COG1: variants seen among roughly 807,000 people sequenced by gnomAD.
The protein encoded by COG1 is component of oligomeric golgi complex 1, also known as conserved oligomeric Golgi complex subunit 1.
COG1 carries 61 observed loss-of-function variants against 102.2 expected under a neutral mutation model. The observed-to-expected ratio is 0.60, with a 90% CI of 0.49 to 0.74. The LOEUF (loss-of-function observed/expected upper bound fraction) is 0.74. Among genes scored for constraint, COG1 ranks in the 30% least tolerant of loss-of-function variants. The pLI is 0.00. For synonymous variants in COG1, 454 were observed against 493.6 expected (o/e 0.92, Z 1.06); for missense variants, 1,164 against 1,232.1 (o/e 0.94, Z 0.83).
chr17:73,199,442 G>A (rs1031463971), intron 4 of COG1, among the ~76,000 whole-genome samples: 4 of 152,106 alleles, frequency 2.6e-5, no homozygotes, highest in African/African-American at 7.2e-5. Context: ...AGAGTTGTGG[G>A]GCGGCTGCCA....
At chr17:73,198,350 C>T (rs1236351768) in intron 4 of COG1, among the ~76,000 whole-genome samples, 3 of 152,168 alleles carry the variant, frequency 2.0e-5, no homozygotes, top group African/African-American at 7.2e-5. Context: ...CATCTGTAAT[C>T]CCAGCACTTT....
intron 4 of COG1, among the ~76,000 whole-genome samples, chr17:73,199,151 C>T (rs772327999): frequency 2.0e-4 from 30 of 152,162 alleles, no homozygotes; most frequent in Admixed American, 9.8e-4. Context: ...CCCAGAGTTG[C>T]GCAGTGCAGG....
rs748349563 is a variant in COG1 at position 73,208,461 on chromosome 17, A to C, written c.*10A>C. 14 of 1,613,626 alleles carry C rather than the reference A, an allele frequency of 8.7e-6. No individual in the cohort carries two copies. The highest frequency in any genetic ancestry group is 1.2e-5 in the Non-Finnish European group (14 of 1,179,780). On this transcript the variant is annotated 3_prime_UTR_variant, in exon 14 of 14. Coordinates refer to ENST00000299886, the MANE Select transcript of COG1 (RefSeq NM_018714.3). ...TAGTATGACTAAGTAACATGGCAAC[A>C]CATCTGTCTCTCCCTAAATAAATAC...
At chr17:73,201,018 T>C in intron 6 of COG1, 91 bp from the exon 7 acceptor site, 2 of 1,244,266 alleles carry the variant, frequency 1.6e-6, no homozygotes, top group South Asian at 1.2e-5. Context: ...GTGAACCTTC[T>C]GAATGCTAGG....
At position 73,193,146 on chromosome 17, in the gene COG1, G is replaced by C. The variant is rs1268708738; in HGVS notation, c.77G>C (p.Gly26Ala). 2.5e-6 allele frequency: 4 copies of C among 1,609,702 alleles called. No individual in the cohort carries two copies. The highest frequency in any genetic ancestry group is 2.5e-6 in the Non-Finnish European group (3 of 1,178,762). The change falls in exon 1 of 14, where the codon GGA becomes GCA. Residue 26 changes from glycine (G) to alanine (A), a missense_variant. Coordinates refer to ENST00000299886, the MANE Select transcript of COG1 (RefSeq NM_018714.3). ...CCTGCGGCTCTTTTCGAGACGCATG[G>C]AGCGGAGGAGATCCGCGGGCTGGAG... ...RDPAALFETH[G>A]AEEIRGLERQ... is the part of the protein sequence containing the mutation.
chr17:73,193,534 C>A, intron 1 of COG1, 150 bp downstream of exon 1: 1 of 678,636 alleles, frequency 1.5e-6, no homozygotes, highest in Non-Finnish European at 2.2e-6. Flanking sequence ...ACCCTTTGGG[C>A]CCCCCTCAGA....
rs374160707 is a variant in COG1, at chr17:73,197,396, G to A, written c.913G>A (p.Gly305Arg). 20 of 1,613,860 alleles carry A rather than the reference G, an allele frequency of 1.2e-5. No individual in the cohort carries two copies. The Admixed American group carries it at 1.7e-4, about 13-fold the overall frequency. ...GACCATCACAGGCCAGCATCCTGCC[G>A]GTGAGCTCTTAGCCAAGCTTTTTAA... ...LETITGQHPA[G>R]KGTGVLQEEM... Residue 305 changes from glycine to arginine, a missense_variant and splice_region_variant, in exon 4 of 14, where the codon GGA (glycine) becomes AGA (arginine). Transcript: ENST00000299886.
At chr17:73,205,487 C>A (rs1378150943) in intron 9 of COG1, 66 bp from the exon 10 acceptor site, 1 of 1,568,266 alleles carries the variant, frequency 6.4e-7, no homozygotes, top group Non-Finnish European at 8.8e-7. Flanking sequence ...AAACTTGAAG[C>A]TGTTTATTAC....
chr17:73,203,621 T>C lies in COG1; in HGVS notation c.2221-11T>C. On this transcript the variant is annotated splice_polypyrimidine_tract_variant and intron_variant, in intron 8 of 13. Coordinates refer to ENST00000299886, the MANE Select transcript of COG1 (RefSeq NM_018714.3). ...GCAAGTTGGCAATGTGACATTTCTT[T>C]GTTCTTTTAGCCGTCCTGGTATGTA... The C allele has an allele frequency of 3.7e-6, 6 of 1,614,228 alleles. No individual in the cohort carries two copies. Among genetic ancestry groups the C allele is most frequent in the Non-Finnish European group, 5.1e-6 (6 of 1,180,018 alleles).
In COG1 at chr17:73,196,144, C is replaced by T. The variant is rs561347898; in HGVS notation, c.316-363C>T. ...GGAAGGTAGAAGAACCTAAAAGTTG[C>T]CTCCAGCCCTTTTATGAGGCACTGA... On this transcript the variant is annotated intron_variant, in intron 1 of 13. Coordinates refer to ENST00000299886, the MANE Select transcript of COG1 (RefSeq NM_018714.3). 2.6e-5 allele frequency among the ~76,000 whole-genome samples: 4 copies of T among 152,286 alleles called. No individual in the cohort carries two copies. The East Asian group carries it at 7.7e-4, about 29-fold the overall frequency.
chr17:73,206,820 A>G lies in COG1; in HGVS notation c.2729+3A>G. ...CCACTGGCATCCAGTCAGATCAGGT[A>G]AAGGCTGCCAAGAGGCTTCTGCGGG... On this transcript the variant is annotated splice_donor_region_variant and intron_variant, in intron 12 of 13. Transcript: ENST00000299886. 6.2e-7 allele frequency: 1 copy of G among 1,609,758 alleles called. No individual in the cohort carries two copies.
intron 9 of COG1, 132 bp downstream of exon 9, chr17:73,203,925 T>C (rs1273723481): frequency 4.0e-6 from 4 of 997,400 alleles, no homozygotes; most frequent in Non-Finnish European, 6.2e-6. Context: ...CATCGGGTCC[T>C]GTAAAAATGC....
intron 9 of COG1, among the ~76,000 whole-genome samples, chr17:73,204,264 G>T (rs1031088742): frequency 6.6e-6 from 1 of 152,178 alleles, no homozygotes; most frequent in African/African-American, 2.4e-5. Flanking sequence ...TGGTTCACTG[G>T]GGGCTCCGGG....
At position 73,206,386 on chromosome 17, in the gene COG1, G is replaced by C. The variant is rs1599332048; in HGVS notation, c.2619+124G>C. 3.6e-5 allele frequency: 29 copies of C among 808,628 alleles called. No individual in the cohort carries two copies. The East Asian group carries it at 7.5e-4, about 21-fold the overall frequency. The allele number at this position is 808,628 out of a possible 1,614,324, so 50.1% of individuals were successfully genotyped here. A position where few individuals can be genotyped will look rare whatever the true frequency, so the allele number is the denominator to read the frequency against. On this transcript the variant is annotated intron_variant, in intron 11 of 13. Transcript: ENST00000299886. ...TAGGGAGGGGAATAAGACACAAATA[G>C]CCGAGTGTAGTTATAAGGACTGAAA...
intron 4 of COG1, among the ~76,000 whole-genome samples, chr17:73,197,877 G>A (rs2061331775): frequency 6.6e-6 from 1 of 152,222 alleles, no homozygotes; most frequent in South Asian, 2.1e-4. Context: ...GTGGGGCCAG[G>A]GGCCAGATAA....
Position 73,208,247 on chromosome 17 carries a change from G to A in COG1, c.2806-67G>A, listed in dbSNP as rs148796681. 208 of 1,609,468 alleles carry A rather than the reference G, an allele frequency of 1.3e-4. 2 individuals carry two copies. The South Asian group carries it at 1.8e-3, about 14-fold the overall frequency. ...CCGTGTGGACTCCGAGTGGCGTCGC[G>A]CGGAGGGCGAGTGGGCAGGAGGGCT... On this transcript the variant is annotated intron_variant, in intron 13 of 13. Transcript: ENST00000299886.
chr17:73,200,011 T>G lies in COG1; in HGVS notation c.1060T>G (p.Trp354Gly). 1 of 1,611,976 alleles carries G rather than the reference T, an allele frequency of 6.2e-7. No individual in the cohort carries two copies. The highest frequency in any genetic ancestry group is 8.5e-7 in the Non-Finnish European group (1 of 1,179,118). The change falls in exon 5 of 14, where the codon TGG (tryptophan) becomes GGG (glycine). Residue 354 changes from tryptophan (W) to glycine (G), a missense_variant. By Grantham distance (184) the Trp-to-Gly change is radical. Transcript: ENST00000299886. ...QEYLKDTLQK[W>G]IHMCNEDIKN... ...ATACCTGAAAGACACGCTGCAGAAA[T>G]GGATCCACATGTAAGTAACCAGAAA... is the stretch of plus-strand genomic sequence containing the variant.
chr17:73,207,092 CAA>C (rs57965299), intron 12 of COG1, 87 bp from the exon 13 acceptor site: 1,249 of 832,492 alleles, frequency 1.5e-3, no homozygotes, highest in African/African-American at 2.5e-3. Flanking sequence ...GACTCTGTCT[CAA>C]AAAAAAAAAA....
chr17:73,203,209 T>C, intron 8 of COG1, 63 bp downstream of exon 8: 1 of 1,580,966 alleles, frequency 6.3e-7, no homozygotes, highest in Non-Finnish European at 8.6e-7. Context: ...AGAAAGATTT[T>C]AGAAAATCAT....
Sources: gnomAD v4.1 joint callset for allele counts (sites outside exome capture counted in the v4.1 genomes callset) on GRCh38, gnomAD v4.1.1 for gene constraint, MANE v1.5 for transcripts, NCBI Gene and HGNC (gene_info 2026-07-23, HGNC 2026-07-21) for gene names.